TSHZ2: variants seen among roughly 807,000 people sequenced by gnomAD.
The protein encoded by TSHZ2 is teashirt zinc finger homeobox 2, also known as teashirt homolog 2.
In TSHZ2, 21 loss-of-function variants were observed where a neutral mutation model predicts 74.4. That is an observed-to-expected ratio of 0.28 (90% confidence interval 0.20 to 0.41). The LOEUF (loss-of-function observed/expected upper bound fraction) is 0.41, where lower values mean the gene tolerates loss of function less well. TSHZ2 is among the 10% of genes least tolerant of loss of function. The pLI, the probability that TSHZ2 is intolerant of heterozygous loss-of-function variation, is 1.00. For synonymous variants in TSHZ2, 540 were observed against 515.3 expected, an observed-to-expected ratio of 1.05 and a Z score of -0.65; for missense variants, 1,244 against 1,293.5, an observed-to-expected ratio of 0.96 and a Z score of 0.59.
At chr20:53,139,835 C>T (rs140395268) in intron 1 of TSHZ2, among the ~76,000 whole-genome samples, 1 of 152,296 alleles carries the variant, frequency 6.6e-6, no homozygotes, top group East Asian at 1.9e-4. Flanking sequence ...TCACACTAAA[C>T]CATACCTATC....
At chr20:53,129,702 C>T (rs1030992941) in intron 1 of TSHZ2, among the ~76,000 whole-genome samples, 1 of 152,250 alleles carries the variant, frequency 6.6e-6, no homozygotes, top group South Asian at 2.1e-4. Flanking sequence ...GAATGAAGGT[C>T]GGCGCTGACG....
chr20:53,316,536 T>C (rs1979029409), intron 2 of TSHZ2, among the ~76,000 whole-genome samples: 1 of 151,554 alleles, frequency 6.6e-6, no homozygotes, highest in African/African-American at 2.4e-5. Context: ...CAGGTTACTA[T>C]ACCCTCTCTT....
chr20:53,375,567 AG>A (rs1246691271), intron 2 of TSHZ2, among the ~76,000 whole-genome samples: 1 of 152,190 alleles, frequency 6.6e-6, no homozygotes. Context: ...TTACCTAGGA[AG>A]GGAAGTCAGA....
chr20:52,978,378 G>A (rs1981427431), intron 1 of TSHZ2, among the ~76,000 whole-genome samples: 1 of 152,100 alleles, frequency 6.6e-6, no homozygotes, highest in Non-Finnish European at 1.5e-5. Context: ...TAGCTGACAC[G>A]AGGTAAATGT....
intron 1 of TSHZ2, among the ~76,000 whole-genome samples, chr20:53,248,594 C>G (rs1050204085): frequency 4.6e-5 from 7 of 152,178 alleles, no homozygotes; most frequent in African/African-American, 1.7e-4. Context: ...AGTAGACCAG[C>G]TAATGGACTT....
rs1985935801 is a variant in TSHZ2 at position 53,093,155 on chromosome 20, G to C, written c.40+119822G>C. ...TCTCAGCTCATCAGTTTCTACTTAA[G>C]TAAAATGGGACCAATTATACAACCC... On this transcript the variant is annotated intron_variant, in intron 1 of 2. Transcript: ENST00000371497. 1.3e-5 allele frequency among the ~76,000 whole-genome samples: 2 copies of C among 152,206 alleles called. 1 individual carries two copies.
chr20:53,322,276 G>T (rs184386421), intron 2 of TSHZ2, among the ~76,000 whole-genome samples: 4 of 152,306 alleles, frequency 2.6e-5, no homozygotes, highest in East Asian at 1.9e-4. Flanking sequence ...ACTTTGGGAC[G>T]CCAAGGCGGG....
intron 2 of TSHZ2, among the ~76,000 whole-genome samples, chr20:53,368,552 C>A (rs753791737): frequency 1.3e-5 from 2 of 152,140 alleles, no homozygotes; most frequent in African/African-American, 2.4e-5. Flanking sequence ...CTCAAGTGAT[C>A]CACCCTCCTA....
At chr20:53,397,634 C>T (rs1448742088) in intron 2 of TSHZ2, 2 of 151,986 alleles carry the variant, frequency 1.3e-5, no homozygotes, top group East Asian at 1.9e-4. Context: ...GGGTATATAC[C>T]CAAAGGATTA....
chr20:53,392,582 A>G (rs1982299092), intron 2 of TSHZ2, among the ~76,000 whole-genome samples: 1 of 152,252 alleles, frequency 6.6e-6, no homozygotes, highest in Non-Finnish European at 1.5e-5. Flanking sequence ...TCCACATTGC[A>G]TGGAAAAAGA....
chr20:53,346,358 G>A (rs1316098072), intron 2 of TSHZ2, among the ~76,000 whole-genome samples: 3 of 152,170 alleles, frequency 2.0e-5, no homozygotes, highest in East Asian at 3.9e-4. Flanking sequence ...GGCTCAGGGT[G>A]CACGACAGAA....
chr20:53,028,059 G>A (rs913589785), intron 1 of TSHZ2, among the ~76,000 whole-genome samples: 5 of 152,146 alleles, frequency 3.3e-5, no homozygotes, highest in Non-Finnish European at 5.9e-5. Context: ...TGATTTCAGA[G>A]CCATTAAGAA....
At chr20:53,018,010 C>T (rs1411977133) in intron 1 of TSHZ2, among the ~76,000 whole-genome samples, 1 of 152,158 alleles carries the variant, frequency 6.6e-6, no homozygotes, top group East Asian at 1.9e-4. Flanking sequence ...ACGAACATCG[C>T]ATCAATAGGA....
chr20:53,430,151 C>A (rs1983788071), intron 2 of TSHZ2, among the ~76,000 whole-genome samples: 2 of 152,164 alleles, frequency 1.3e-5, no homozygotes, highest in Middle Eastern at 3.2e-3. Context: ...GTCACCCAGG[C>A]TGGAGTACAG....
chr20:53,243,669 C>T (rs1208334321), intron 1 of TSHZ2, among the ~76,000 whole-genome samples: 1 of 152,046 alleles, frequency 6.6e-6, no homozygotes, highest in Admixed American at 6.6e-5. Flanking sequence ...AGAAATTGGC[C>T]CAATGACATG....
At chr20:53,473,340 T>TCCCTGAC (rs1287400537) in intron 2 of TSHZ2, among the ~76,000 whole-genome samples, 1 of 142,536 alleles carries the variant, frequency 7.0e-6, no homozygotes, top group African/African-American at 2.7e-5. Context: ...CTCAAGTGGG[T>TCCCTGAC]CCCTGACCCC....
chr20:53,468,015 A>G (rs1330037121), intron 2 of TSHZ2, among the ~76,000 whole-genome samples: 1 of 152,214 alleles, frequency 6.6e-6, no homozygotes, highest in Non-Finnish European at 1.5e-5. Context: ...GTAAAAGAAA[A>G]AAAAATAACA....
chr20:53,427,546 T>G (rs1004300027), intron 2 of TSHZ2, among the ~76,000 whole-genome samples: 6 of 152,174 alleles, frequency 3.9e-5, no homozygotes, highest in African/African-American at 1.4e-4. Flanking sequence ...GCTTCCTCTC[T>G]TCAACTTTAG....
At chr20:53,077,256 A>G (rs1476907617) in intron 1 of TSHZ2, among the ~76,000 whole-genome samples, 1 of 45,296 alleles carries the variant, frequency 2.2e-5, no homozygotes, top group African/African-American at 4.6e-5. Flanking sequence ...CTACTAAAAT[A>G]CAAAAAAAAA....
Sources: allele counts gnomAD v4.1 joint callset (sites outside exome capture counted in the v4.1 genomes callset), GRCh38; gene constraint gnomAD v4.1.1; transcripts MANE v1.5; gene names NCBI Gene and HGNC (gene_info 2026-07-23, HGNC 2026-07-21).